GCLM: variants seen among roughly 807,000 people sequenced by gnomAD.
GCLM encodes the protein glutamate--cysteine ligase regulatory subunit.
Under a neutral mutation model 36.0 loss-of-function variants are expected in GCLM, and 15 were observed. The ratio of observed to expected loss-of-function variants is 0.42; its 90% CI spans 0.28 to 0.64. GCLM has a LOEUF of 0.64. GCLM is among the 30% of genes least tolerant of loss of function. The probability of loss-of-function intolerance (pLI) is 0.25; values close to 1 mark genes in which losing one functional copy is unlikely to be tolerated. For synonymous variants in GCLM, 129 were observed against 122.8 expected, an observed-to-expected ratio of 1.05 and a Z score of -0.34; for missense variants, 242 against 325.5, an observed-to-expected ratio of 0.74 and a Z score of 1.97.
Position 93,909,247 on chromosome 1 carries a change from C to G in GCLM, c.-84G>C. On this transcript the variant is annotated 5_prime_UTR_variant, in exon 1 of 7. Coordinates refer to ENST00000370238, the MANE Select transcript of GCLM (RefSeq NM_002061.4). ...CGGCCGCCCCACAGGACGCGGTGCC[C>G]GAGGCCCGAGAGAGACCCGAGAGGG... is the stretch of plus-strand genomic sequence containing the variant. 9.1e-7 allele frequency: 1 copy of G among 1,097,372 alleles called. No individual in the cohort carries two copies. The highest frequency in any genetic ancestry group is 1.1e-6 in the Non-Finnish European group (1 of 904,876). The allele number at this position is 1,097,372 out of a possible 1,614,324, so 68.0% of individuals were successfully genotyped here.
At position 93,889,144 on chromosome 1, in the gene GCLM, G is replaced by C; in HGVS notation, c.671C>G (p.Ala224Gly). 2 of 1,568,108 alleles carry C rather than the reference G, an allele frequency of 1.3e-6. No individual in the cohort carries two copies. Among genetic ancestry groups the C allele is most frequent in the South Asian group, 1.2e-5 (1 of 83,424 alleles). ...TTCCTGAAGAGCTTCTTGGAAACTT[G>C]CTTCAGAAAGCAGTTCTAAAAGAAA... is the stretch of plus-strand genomic sequence containing the variant. ...HNDPKELLSE[A>G]SFQEALQESI... Residue 224 changes from alanine to glycine, a missense_variant, in exon 7 of 7, where the codon GCA becomes GGA. Physicochemically the swap from Ala to Gly is moderately conservative, Grantham distance 60. Coordinates refer to ENST00000370238, the MANE Select transcript of GCLM (RefSeq NM_002061.4).
intron 2 of GCLM, among the ~76,000 whole-genome samples, chr1:93,903,279 A>G (rs1051981359): frequency 6.6e-6 from 1 of 151,566 alleles, no homozygotes; most frequent in African/African-American, 2.4e-5. Flanking sequence ...AATCACAAGC[A>G]TTTTATTCTT....
In GCLM at chr1:93,909,345, TGGGCGGCGGCG is replaced by T; in HGVS notation, c.-193_-183del. ...GGCCCGAGGGAGGCCGGACGGCGGCTGGGCGGCGGCGGGAAAGGAAGGCACCGGTGGCTGCG... is the reference window on the plus strand; with the variant it reads ...GGCCCGAGGGAGGCCGGACGGCGGCTGGAAAGGAAGGCACCGGTGGCTGCG... On this transcript the variant is annotated 5_prime_UTR_variant, in exon 1 of 7. Coordinates refer to ENST00000370238, the MANE Select transcript of GCLM (RefSeq NM_002061.4). The T allele has an allele frequency of 9.8e-7, 1 of 1,023,992 alleles. No individual in the cohort carries two copies. Among genetic ancestry groups the T allele is most frequent in the Non-Finnish European group, 1.2e-6 (1 of 855,816 alleles). The allele number at this position is 1,023,992 out of a possible 1,614,324, so 63.4% of individuals were successfully genotyped here.
Position 93,885,211 on chromosome 1 carries a change from T to C in GCLM, c.*3779A>G, listed in dbSNP as rs1001726602. The C allele has an allele frequency of 6.6e-6, 1 of 152,238 alleles. No individual in the cohort carries two copies. The highest frequency in any genetic ancestry group is 1.9e-4 in the East Asian group (1 of 5,204). 9.4% of individuals were successfully genotyped at this position (152,238 alleles called of 1,614,324 possible). On this transcript the variant is annotated 3_prime_UTR_variant, in exon 7 of 7. Transcript: ENST00000370238. ...AATAGCTTTATGATTTGGATGTTTT[T>C]AAATTATTAATTTATTTTCAAATCA... is the stretch of plus-strand genomic sequence containing the variant.
At chr1:93,893,866 G>A (rs574905397) in intron 6 of GCLM, among the ~76,000 whole-genome samples, 59 of 152,162 alleles carry the variant, frequency 3.9e-4, no homozygotes, top group African/African-American at 7.5e-4. Context: ...AACACTAAAC[G>A]TCTTAATAAA....
rs530700290 is a variant in GCLM at position 93,901,239 on chromosome 1, G to T, written c.277+346C>A. Among the ~76,000 whole-genome samples the T allele has an allele frequency of 7.9e-5, 12 of 152,172 alleles. No homozygotes were observed. The East Asian group carries it at 2.3e-3, about 29-fold the overall frequency. On this transcript the variant is annotated intron_variant, in intron 3 of 6. Transcript: ENST00000370238. Reference sequence around the variant, plus strand: ...CTTACCAGTATCTTACCAGGAAGGGGGTGCTTATGCTTGCTTTGGGTGGAT... The same window carrying T: ...CTTACCAGTATCTTACCAGGAAGGGTGTGCTTATGCTTGCTTTGGGTGGAT...
intron 3 of GCLM, among the ~76,000 whole-genome samples, chr1:93,900,801 G>A (rs1249644895): frequency 1.3e-5 from 2 of 151,976 alleles, no homozygotes; most frequent in African/African-American, 4.8e-5. Flanking sequence ...ATAACAACAT[G>A]GTAGCAAATA....
intron 1 of GCLM, among the ~76,000 whole-genome samples, chr1:93,906,863 C>T (rs1046035779): frequency 2.6e-5 from 4 of 152,086 alleles, no homozygotes; most frequent in Non-Finnish European, 4.4e-5. Flanking sequence ...ATGATTCAAC[C>T]GGTCAAACAC....
intron 3 of GCLM, among the ~76,000 whole-genome samples, chr1:93,898,731 C>T (rs1300611879): frequency 2.0e-5 from 3 of 151,918 alleles, no homozygotes; most frequent in African/African-American, 7.3e-5. Flanking sequence ...CTCAAGTGTT[C>T]CTTTCACCTC....
intron 6 of GCLM, among the ~76,000 whole-genome samples, chr1:93,892,136 C>CAAATAA (rs1656558552): frequency 6.6e-6 from 1 of 151,862 alleles, no homozygotes; most frequent in African/African-American, 2.4e-5. Context: ...GGGCGGGGAA[C>CAAATAA]AAATAAAAAT....
chr1:93,891,164 G>T lies in GCLM; in HGVS notation c.656-2005C>A, dbSNP rs189701523. Among the ~76,000 whole-genome samples, 70 of 152,248 alleles carry T rather than the reference G, an allele frequency of 4.6e-4. No homozygotes were observed. The East Asian group carries it at 9.2e-3, about 20-fold the overall frequency. ...GGCCTCCCAAAGTGCTGGGATTACA[G>T]GTGTGAGCCACCATGCCCAGCAAAT... On this transcript the variant is annotated intron_variant, in intron 6 of 6. Coordinates refer to ENST00000370238, the MANE Select transcript of GCLM (RefSeq NM_002061.4).
intron 6 of GCLM, among the ~76,000 whole-genome samples, chr1:93,890,403 A>G (rs1192472043): frequency 6.6e-6 from 1 of 152,142 alleles, no homozygotes; most frequent in Non-Finnish European, 1.5e-5. Flanking sequence ...TATATAATAC[A>G]TTTATCAGGA....
chr1:93,909,086 C>A lies in GCLM; in HGVS notation c.78G>T (p.Leu26=). ...ACTTCTTCCGCAGGCGGCCCCAGTT[C>A]AGCAGGTTCCCCGTCTGCAGGTGCA... ...RTLHLQTGNL[L]NWGRLRKKCP... Residue 26 remains leucine, a synonymous_variant, in exon 1 of 7, where the codon CTG becomes CTT. Coordinates refer to ENST00000370238, the MANE Select transcript of GCLM (RefSeq NM_002061.4). 1 of 1,474,272 alleles carries A rather than the reference C, an allele frequency of 6.8e-7. No individual in the cohort carries two copies. The highest frequency in any genetic ancestry group is 8.9e-7 in the Non-Finnish European group (1 of 1,118,144). 91.3% of individuals were successfully genotyped at this position (1,474,272 alleles called of 1,614,324 possible). A position where few individuals can be genotyped will look rare whatever the true frequency, so the allele number is the denominator to read the frequency against.
chr1:93,889,199 A>G (rs1250907826), intron 6 of GCLM, 40 bp from the exon 7 acceptor site: 5 of 1,457,508 alleles, frequency 3.4e-6, no homozygotes, highest in Non-Finnish European at 3.6e-6. Context: ...AGCGTGTTAA[A>G]TTGGAAAACA....
chr1:93,890,432 T>A (rs1420910510), intron 6 of GCLM, among the ~76,000 whole-genome samples: 1 of 152,184 alleles, frequency 6.6e-6, no homozygotes, highest in Non-Finnish European at 1.5e-5. Flanking sequence ...AAAAGCCATA[T>A]ACACATAAAT....
Position 93,896,628 on chromosome 1 carries a change from T to A in GCLM, c.530A>T (p.Gln177Leu), listed in dbSNP as rs768409891. 1 of 1,613,194 alleles carries A rather than the reference T, an allele frequency of 6.2e-7. No homozygotes were observed. Among genetic ancestry groups the A allele is most frequent in the Non-Finnish European group, 8.5e-7 (1 of 1,179,090 alleles). ...LDKTQLEQLY[Q>L]WAQVKPNSNQ... The stretch of plus-strand genomic sequence containing the variant: ...CCTGCCATCCCTCACCTGTGCCCAC[T>A]GATACAGCTGTTCCAACTGTGTTTT... The change falls in exon 5 of 7, where the codon CAG (glutamine) becomes CTG (leucine). Residue 177 changes from glutamine (Q) to leucine (L), a missense_variant. Coordinates refer to ENST00000370238, the MANE Select transcript of GCLM (RefSeq NM_002061.4).
intron 1 of GCLM, among the ~76,000 whole-genome samples, chr1:93,906,913 T>C (rs1402887608): frequency 6.6e-6 from 1 of 152,114 alleles, no homozygotes. Flanking sequence ...CCTATAATGG[T>C]CCACTTACAA....
At chr1:93,903,914 A>G (rs948037802) in intron 2 of GCLM, among the ~76,000 whole-genome samples, 46 of 152,206 alleles carry the variant, frequency 3.0e-4, no homozygotes, top group African/African-American at 1.0e-3. Context: ...TGATTTAAAA[A>G]AAACCATAAC....
intron 3 of GCLM, among the ~76,000 whole-genome samples, chr1:93,899,958 A>G (rs1656886390): frequency 6.6e-6 from 1 of 152,006 alleles, no homozygotes. Flanking sequence ...AAAAAAATCA[A>G]AAGAGGAAAT....
Sources: gnomAD v4.1 joint callset for allele counts (sites outside exome capture counted in the v4.1 genomes callset) on GRCh38, gnomAD v4.1.1 for gene constraint, MANE v1.5 for transcripts, NCBI Gene and HGNC (gene_info 2026-07-23, HGNC 2026-07-21) for gene names.